SPAG16: variants seen among roughly 807,000 people sequenced by gnomAD.
SPAG16 encodes the protein sperm associated antigen 16, also known as sperm-associated antigen 16 protein.
In SPAG16, 86 loss-of-function variants were observed where a neutral mutation model predicts 80.4. That is an observed-to-expected ratio of 1.07 (90% confidence interval 0.90 to 1.28). The LOEUF (loss-of-function observed/expected upper bound fraction) is 1.28. SPAG16 is among the 50% of genes most tolerant of loss of function. The pLI, the probability that SPAG16 is intolerant of heterozygous loss-of-function variation, is 0.00. For missense variants in SPAG16, 870 were observed against 765.3 expected, an observed-to-expected ratio of 1.14 and a Z score of -1.61; for synonymous variants, 294 against 265.9, an observed-to-expected ratio of 1.11 and a Z score of -1.03.
At chr2:214,238,946 A>G (rs865835076) in intron 15 of SPAG16, 42 of 152,258 alleles carry the variant, frequency 2.8e-4, no homozygotes, top group Middle Eastern at 3.4e-3. Context: ...AACTTTGAGG[A>G]CTTCTTTGAG....
intron 9 of SPAG16, among the ~76,000 whole-genome samples, chr2:213,419,671 CT>C (rs1261915241): frequency 6.6e-6 from 1 of 152,042 alleles, no homozygotes; most frequent in African/African-American, 2.4e-5. Context: ...GCATGTGCTA[CT>C]TTTTTTTCTT....
intron 15 of SPAG16, among the ~76,000 whole-genome samples, chr2:214,149,706 G>A (rs1445120728): frequency 6.6e-6 from 1 of 152,046 alleles, no homozygotes; most frequent in Admixed American, 6.6e-5. Flanking sequence ...CCCATATTGT[G>A]TAGAGTTTAC....
chr2:213,432,817 A>G (rs748764609), intron 9 of SPAG16, among the ~76,000 whole-genome samples: 7 of 152,144 alleles, frequency 4.6e-5, no homozygotes, highest in Non-Finnish European at 8.8e-5. Flanking sequence ...AGTATAGACA[A>G]ATATCCCGAG....
chr2:213,980,571 A>G (rs899078607), intron 12 of SPAG16, among the ~76,000 whole-genome samples: 2 of 109,096 alleles, frequency 1.8e-5, no homozygotes, highest in Non-Finnish European at 4.0e-5. Context: ...GTATATATAG[A>G]GAGTATATGT....
At chr2:214,024,300 A>G (rs1401858001) in intron 13 of SPAG16, among the ~76,000 whole-genome samples, 6 of 151,632 alleles carry the variant, frequency 4.0e-5, no homozygotes, top group Non-Finnish European at 8.9e-5. Context: ...GTGCTTACCC[A>G]ACTGATTTTT....
At chr2:213,428,361 A>G (rs538617103) in intron 9 of SPAG16, among the ~76,000 whole-genome samples, 12 of 152,306 alleles carry the variant, frequency 7.9e-5, no homozygotes, top group Admixed American at 6.5e-4. Flanking sequence ...CTAAAACACT[A>G]TGAGAAGGGA....
chr2:213,994,168 G>GA (rs2046407748), intron 12 of SPAG16, among the ~76,000 whole-genome samples: 1 of 151,974 alleles, frequency 6.6e-6, no homozygotes, highest in East Asian at 1.9e-4. Flanking sequence ...AGTTTTCTTT[G>GA]AAAGTATTAA....
At chr2:213,540,488 T>G (rs909648632) in intron 10 of SPAG16, among the ~76,000 whole-genome samples, 2 of 152,228 alleles carry the variant, frequency 1.3e-5, no homozygotes, top group African/African-American at 4.8e-5. Context: ...TGTAAATACC[T>G]TTATATAAAT....
At chr2:213,906,687 C>G (rs1399691542) in intron 11 of SPAG16, among the ~76,000 whole-genome samples, 1 of 152,080 alleles carries the variant, frequency 6.6e-6, no homozygotes, top group East Asian at 1.9e-4. Flanking sequence ...AATGAAACAG[C>G]TTAGAGAGCC....
rs933204606 is a variant in SPAG16, at chr2:213,586,246, G to GT, written c.1070+96157dup. Reference sequence around the variant, plus strand: ...GCTATAACAGAATACCATAAACTGGGTAGCTTATAAGCAACAGAAATTTGT... The same window carrying GT: ...GCTATAACAGAATACCATAAACTGGGTTAGCTTATAAGCAACAGAAATTTGT... On this transcript the variant is annotated intron_variant, in intron 10 of 15. Transcript: ENST00000331683. Among the ~76,000 whole-genome samples, 16 of 152,136 alleles carry GT rather than the reference G, an allele frequency of 1.1e-4. 1 individual carries two copies. The highest frequency in any genetic ancestry group is 2.1e-4 in the Non-Finnish European group (14 of 68,026).
At chr2:213,518,452 G>C (rs1443644421) in intron 10 of SPAG16, among the ~76,000 whole-genome samples, 1 of 152,114 alleles carries the variant, frequency 6.6e-6, no homozygotes, top group African/African-American at 2.4e-5. Context: ...ACAAGGTTTT[G>C]CTTTGTTGCC....
At chr2:213,711,084 A>G (rs1002018244) in intron 10 of SPAG16, among the ~76,000 whole-genome samples, 1 of 152,190 alleles carries the variant, frequency 6.6e-6, no homozygotes, top group African/African-American at 2.4e-5. Flanking sequence ...AAGACTATTT[A>G]AGTAAATCTT....
At chr2:214,062,966 T>C (rs1424220880) in intron 13 of SPAG16, among the ~76,000 whole-genome samples, 1 of 152,174 alleles carries the variant, frequency 6.6e-6, no homozygotes, top group African/African-American at 2.4e-5. Flanking sequence ...ATTAAAATGT[T>C]GAAAATAAGT....
At chr2:213,826,746 G>A (rs1444522787) in intron 10 of SPAG16, among the ~76,000 whole-genome samples, 1 of 151,972 alleles carries the variant, frequency 6.6e-6, no homozygotes. Context: ...GTTAATATCT[G>A]TTAGGTCCAT....
rs1226215074 is a variant in SPAG16 at position 213,817,232 on chromosome 2, TTATATATATATACTTATATATATGATA to T, written c.1071-45240_1071-45214del. Among the ~76,000 whole-genome samples, 8 of 143,352 alleles carry T rather than the reference TTATATATATATACTTATATATATGATA, an allele frequency of 5.6e-5. No homozygotes were observed. In the South Asian group the frequency reaches 1.5e-3, roughly 27 times the overall value. 94.0% of individuals were successfully genotyped at this position (143,352 alleles called of 152,430 possible). A position where few individuals can be genotyped will look rare whatever the true frequency, so the allele number is the denominator to read the frequency against. On this transcript the variant is annotated intron_variant, in intron 10 of 15. Coordinates refer to ENST00000331683, the MANE Select transcript of SPAG16 (RefSeq NM_024532.5). Reference sequence around the variant, plus strand: ...AGCATGCATATATATATATATATGCTTATATATATATACTTATATATATGATATATATATATATATATCACAGTCAGA... The same window carrying T: ...AGCATGCATATATATATATATATGCTTATATATATATATATCACAGTCAGA...
At chr2:213,343,123 G>A (rs2064784736) in intron 6 of SPAG16, among the ~76,000 whole-genome samples, 1 of 152,088 alleles carries the variant, frequency 6.6e-6, no homozygotes, top group South Asian at 2.1e-4. Flanking sequence ...AGAACATGAA[G>A]CCTGGCAGGA....
At chr2:213,692,081 A>T (rs2064966406) in intron 10 of SPAG16, among the ~76,000 whole-genome samples, 1 of 152,336 alleles carries the variant, frequency 6.6e-6, no homozygotes. Context: ...ACTGGAGAGT[A>T]ATTATTAGAA....
intron 15 of SPAG16, among the ~76,000 whole-genome samples, chr2:214,235,999 G>A (rs1279821943): frequency 6.6e-6 from 1 of 152,108 alleles, no homozygotes; most frequent in East Asian, 1.9e-4. Context: ...TGGTTATTCT[G>A]AGGAAGAAAA....
At chr2:214,325,359 G>T (rs1008276741) in intron 15 of SPAG16, among the ~76,000 whole-genome samples, 2 of 152,160 alleles carry the variant, frequency 1.3e-5, no homozygotes, top group Non-Finnish European at 2.9e-5. Context: ...TTAGTATCAA[G>T]GAACAAAACT....
Sources: allele counts gnomAD v4.1 joint callset (sites outside exome capture counted in the v4.1 genomes callset), GRCh38; gene constraint gnomAD v4.1.1; transcripts MANE v1.5; gene names NCBI Gene and HGNC (gene_info 2026-07-23, HGNC 2026-07-21).